GAA: variants seen among roughly 807,000 people sequenced by gnomAD.
GAA encodes alpha glucosidase.
A neutral mutation model predicts 103.9 loss-of-function variants in GAA; 88 were observed. The ratio of observed to expected loss-of-function variants is 0.85; its 90% CI spans 0.71 to 1.01. The LOEUF (loss-of-function observed/expected upper bound fraction) is 1.01, where lower values mean the gene tolerates loss of function less well. GAA is among the 50% of genes least tolerant of loss of function. The probability of loss-of-function intolerance (pLI) is 0.00; values close to 1 mark genes in which losing one functional copy is unlikely to be tolerated. For synonymous variants in GAA, 572 were observed against 563.1 expected (o/e 1.02, Z -0.22); for missense variants, 1,350 against 1,305.3 (o/e 1.03, Z -0.53).
chr17:80,113,166 G>T (rs1453869474), intron 14 of GAA, 52 bp from the exon 15 acceptor site: 15 of 1,550,506 alleles, frequency 9.7e-6, no homozygotes, highest in Middle Eastern at 1.7e-4. Context: ...GGACTCCAGG[G>T]GACCGCGGCC....
rs753939097 is a variant in GAA at position 80,119,240 on chromosome 17, G to C, written c.2800-32G>C. On this transcript the variant is annotated intron_variant, in intron 19 of 19. Transcript: ENST00000302262. ...GGGGTCTCACTGCTGCTGGGATCTC[G>C]GGCTGCTCCATTTGTGCTCTCTCTT... The C allele has an allele frequency of 8.7e-6, 14 of 1,608,804 alleles. No homozygotes were observed. The East Asian group carries it at 2.5e-4, about 28-fold the overall frequency.
intron 9 of GAA, among the ~76,000 whole-genome samples, chr17:80,110,495 G>A (rs1038016134): frequency 6.6e-6 from 1 of 152,194 alleles, no homozygotes; most frequent in African/African-American, 2.4e-5. Context: ...CTGGGTGGAC[G>A]TGTTGGGGGT....
In GAA at chr17:80,119,317, G is replaced by C; in HGVS notation, c.2845G>C (p.Val949Leu). 6.2e-6 allele frequency: 10 copies of C among 1,614,010 alleles called. No homozygotes were observed. The highest frequency in any genetic ancestry group is 8.5e-6 in the Non-Finnish European group (10 of 1,179,860). The part of the protein sequence containing the change: ...VSLLMGEQFL[V>L]SWC The stretch of plus-strand genomic sequence containing the variant: ...GCTGTTGATGGGAGAGCAGTTTCTC[G>C]TCAGCTGGTGTTAGCCGGGCGGAGT... The change falls in exon 20 of 20, where the codon GTC becomes CTC. Residue 949 changes from valine to leucine, a missense_variant. Transcript: ENST00000302262.
rs1302320732 is a variant in GAA at position 80,104,066 on chromosome 17, C to G, written c.-32-489C>G. 6.6e-6 allele frequency among the ~76,000 whole-genome samples: 1 copy of G among 152,140 alleles called. No individual in the cohort carries two copies. The highest frequency in any genetic ancestry group is 2.4e-5 in the African/African-American group (1 of 41,426). On this transcript the variant is annotated intron_variant, in intron 1 of 19. Coordinates refer to ENST00000302262, the MANE Select transcript of GAA (RefSeq NM_000152.5). This position sits in a 1 kb window ranked among gnomAD's most constrained non-coding sequence, Gnocchi z 4.0. ...ATCACTTGAGCTCAGGAGTTCGAGA[C>G]CAGCCTGGGTAACATGGCAAAATCC...
At position 80,114,550 on chromosome 17, in the gene GAA, C is replaced by T. The variant is rs183535841; in HGVS notation, c.2189+1184C>T. Among the ~76,000 whole-genome samples, 53 of 152,192 alleles carry T rather than the reference C, an allele frequency of 3.5e-4. No homozygotes were observed. The South Asian group carries it at 5.8e-3, about 17-fold the overall frequency. On this transcript the variant is annotated intron_variant, in intron 15 of 19. Coordinates refer to ENST00000302262, the MANE Select transcript of GAA (RefSeq NM_000152.5). ...CTTTGCTTCTATGTGGTTTCCATTG[C>T]CTCTCGTTCCTCTGTGCTGTTACAC...
In GAA at chr17:80,112,045, A is replaced by C. The variant is rs543222774; in HGVS notation, c.1699A>C (p.Thr567Pro). Residue 567 changes from threonine (T) to proline (P), a missense_variant, in exon 12 of 20, where the codon ACA (threonine) becomes CCA (proline). Physicochemically the swap from Thr to Pro is conservative, Grantham distance 38. Coordinates refer to ENST00000302262, the MANE Select transcript of GAA (RefSeq NM_000152.5). ...TGCCTCCAGCCACCAGTTTCTCTCC[A>C]CACACTACAACCTGCACAACCTCTA... ...ICASSHQFLS[T>P]HYNLHNLYGL... is the part of the protein sequence containing the mutation. 1.2e-6 allele frequency: 2 copies of C among 1,614,008 alleles called. No homozygotes were observed. Among genetic ancestry groups the C allele is most frequent in the East Asian group, 4.5e-5 (2 of 44,876 alleles).
rs2039405775 is a variant in GAA at position 80,118,325 on chromosome 17, G to A, written c.2614G>A (p.Ala872Thr). Residue 872 changes from alanine to threonine, a missense_variant, in exon 18 of 20, where the codon GCC (alanine) becomes ACC (threonine). Ala to Thr is a moderately conservative substitution (Grantham distance 58). Coordinates refer to ENST00000302262, the MANE Select transcript of GAA (RefSeq NM_000152.5). Reference sequence around the variant, plus strand: ...GAGCCTGGAAGTGCTGGAGCGAGGGGCCTACACACAGGTCATCTTCCTGGC... The same window carrying A: ...GAGCCTGGAAGTGCTGGAGCGAGGGACCTACACACAGGTCATCTTCCTGGC... ...GESLEVLERG[A>T]YTQVIFLARN... 2 of 1,577,408 alleles carry A rather than the reference G, an allele frequency of 1.3e-6. No individual in the cohort carries two copies. Among genetic ancestry groups the A allele is most frequent in the Admixed American group, 1.8e-5 (1 of 56,420 alleles).
rs2304841 is a variant in GAA, at chr17:80,111,911, T to G, written c.1637-72T>G. On this transcript the variant is annotated intron_variant, in intron 11 of 19. Transcript: ENST00000302262. ...GACCTGCACAGGGGCTCCTGGGAGG[T>G]GGGGGGCAGGGAGGGCACCTTGGAG... The G allele has an allele frequency of 3.1e-4, 396 of 1,297,886 alleles. 4 individuals carry two copies. The East Asian group carries it at 9.0e-3, about 30-fold the overall frequency. The allele number at this position is 1,297,886 out of a possible 1,614,324, so 80.4% of individuals were successfully genotyped here. A position where few individuals can be genotyped will look rare whatever the true frequency, so the allele number is the denominator to read the frequency against.
At position 80,107,803 on chromosome 17, in the gene GAA, G is replaced by A. The variant is rs200125735; in HGVS notation, c.862G>A (p.Gly288Ser). 5.0e-5 allele frequency: 80 copies of A among 1,611,450 alleles called. No individual in the cohort carries two copies. In the East Asian group the frequency reaches 6.7e-4, roughly 13 times the overall value. Residue 288 changes from glycine to serine, a missense_variant, in exon 5 of 20, where the codon GGT becomes AGT. Coordinates refer to ENST00000302262, the MANE Select transcript of GAA (RefSeq NM_000152.5). ...LWNRDLAPTP[G>S]ANLYGSHPFY... ...CGCCGTCTCCTGCATGTCCCAGCCC[G>A]GTGCGAACCTCTACGGGTCTCACCC...
Position 80,110,770 on chromosome 17 carries a change from C to T in GAA, c.1481C>T (p.Thr494Ile). Residue 494 changes from threonine to isoleucine, a missense_variant, in exon 10 of 20, where the codon ACA becomes ATA. Transcript: ENST00000302262. ...GCCTTCCCCGACTTCACCAACCCCA[C>T]AGCCCTGGCCTGGTGGGAGGACATG... The part of the protein sequence containing the change: ...STAFPDFTNP[T>I]ALAWWEDMVA... 2.5e-6 allele frequency: 4 copies of T among 1,614,174 alleles called. No homozygotes were observed. Among genetic ancestry groups the T allele is most frequent in the Non-Finnish European group, 3.4e-6 (4 of 1,180,028 alleles).
Position 80,107,857 on chromosome 17 carries a change from T to C in GAA, c.916T>C (p.Ser306Pro). The change falls in exon 5 of 20, where the codon TCG becomes CCG. Residue 306 changes from serine (S) to proline (P), a missense_variant. Transcript: ENST00000302262. Reference protein sequence around the residue: ...PFYLALEDGGSAHGVFLLNSN... With the variant: ...PFYLALEDGGPAHGVFLLNSN... ...CTACCTGGCGCTGGAGGACGGCGGG[T>C]CGGCACACGGGGTGTTCCTGCTAAA... 6.2e-7 allele frequency: 1 copy of C among 1,611,540 alleles called. No homozygotes were observed. Among genetic ancestry groups the C allele is most frequent in the Non-Finnish European group, 8.5e-7 (1 of 1,179,698 alleles).
intron 16 of GAA, 44 bp from the exon 17 acceptor site, chr17:80,117,556 G>T: frequency 6.2e-7 from 1 of 1,610,372 alleles, no homozygotes; most frequent in Non-Finnish European, 8.5e-7. Context: ...CAGCATGGGG[G>T]CCTCGGCACG....
chr17:80,107,380 G>A (rs2039111121), intron 3 of GAA, among the ~76,000 whole-genome samples, 177 bp from the exon 4 acceptor site: 1 of 152,204 alleles, frequency 6.6e-6, no homozygotes, highest in South Asian at 2.1e-4. Context: ...GCTGGTGCCA[G>A]GGTGCCAAGG....
At position 80,101,649 on chromosome 17, in the gene GAA, G is replaced by C. The variant is rs1398186641; in HGVS notation, c.-274G>C. The C allele has an allele frequency of 6.6e-6, 1 of 151,660 alleles. No individual in the cohort carries two copies. The highest frequency in any genetic ancestry group is 1.5e-5 in the Non-Finnish European group (1 of 67,872). 9.4% of individuals were successfully genotyped at this position (151,660 alleles called of 1,614,324 possible). A position where few individuals can be genotyped will look rare whatever the true frequency, so the allele number is the denominator to read the frequency against. On this transcript the variant is annotated 5_prime_UTR_variant, in exon 1 of 20. Transcript: ENST00000302262. ...AGGTGAGCCGGGCCGGGGCTGCGGG[G>C]CTTCCCTGAGCGCGGGCCGGGTCGG...
Position 80,104,468 on chromosome 17 carries a change from C to A in GAA, c.-32-87C>A. 2 of 979,590 alleles carry A rather than the reference C, an allele frequency of 2.0e-6. No homozygotes were observed. Among genetic ancestry groups the A allele is most frequent in the Non-Finnish European group, 3.0e-6 (2 of 675,618 alleles). 60.7% of individuals were successfully genotyped at this position (979,590 alleles called of 1,614,324 possible). A position where few individuals can be genotyped will look rare whatever the true frequency, so the allele number is the denominator to read the frequency against. On this transcript the variant is annotated intron_variant, in intron 1 of 19. Coordinates refer to ENST00000302262, the MANE Select transcript of GAA (RefSeq NM_000152.5). The surrounding 1 kb of genome is among the most constrained non-coding windows in gnomAD (Gnocchi z 4.0). The stretch of plus-strand genomic sequence containing the variant: ...CCTGCCTGGGTGCTGCAGTGCCAGC[C>A]GCGGTTGATGTCTCAGAGCTGCTTT...
rs2039045532 is a variant in GAA, at chr17:80,105,066, C to T, written c.480C>T (p.Phe160=). 2 of 1,612,682 alleles carry T rather than the reference C, an allele frequency of 1.2e-6. No homozygotes were observed. Among genetic ancestry groups the T allele is most frequent in the South Asian group, 1.1e-5 (1 of 91,096 alleles). ...TGACCCGTACCACCCCCACCTTCTTCCCCAAGGACATCCTGACCCTGCGGC... is the reference window on the plus strand; with the variant it reads ...TGACCCGTACCACCCCCACCTTCTTTCCCAAGGACATCCTGACCCTGCGGC... ...ATLTRTTPTF[F]PKDILTLRLD... is the part of the protein sequence containing the mutation. The change falls in exon 2 of 20, where the codon TTC becomes TTT. Residue 160 remains phenylalanine (F), a synonymous_variant. Coordinates refer to ENST00000302262, the MANE Select transcript of GAA (RefSeq NM_000152.5).
intron 15 of GAA, 129 bp from the exon 16 acceptor site, chr17:80,116,839 C>G: frequency 9.6e-7 from 1 of 1,045,686 alleles, no homozygotes; most frequent in South Asian, 1.3e-5. Flanking sequence ...CTGAGTCCTC[C>G]AAGTCCTCCG....
In GAA at chr17:80,104,489, G is replaced by A. The variant is rs78686444; in HGVS notation, c.-32-66G>A. ...CAGCCGCGGTTGATGTCTCAGAGCT[G>A]CTTTGAGAGCCCCGTGAGTGCCGCC... On this transcript the variant is annotated intron_variant, in intron 1 of 19. Transcript: ENST00000302262. The surrounding 1 kb of genome is among the most constrained non-coding windows in gnomAD (Gnocchi z 4.0). 5.7e-5 allele frequency: 69 copies of A among 1,220,500 alleles called. No homozygotes were observed. Among genetic ancestry groups the A allele is most frequent in the Non-Finnish European group, 6.6e-5 (59 of 887,544 alleles). The allele number at this position is 1,220,500 out of a possible 1,614,324, so 75.6% of individuals were successfully genotyped here.
rs1252098979 is a variant in GAA at position 80,109,035 on chromosome 17, G to A, written c.1326+207G>A. 4.6e-5 allele frequency among the ~76,000 whole-genome samples: 7 copies of A among 152,192 alleles called. No homozygotes were observed. The East Asian group carries it at 7.7e-4, about 17-fold the overall frequency. Reference sequence around the variant, plus strand: ...GGTTTGAGGGTCCCCAGAAATGGCCGGGTGCTACTCAGGGTTCTGTCAGAT... The same window carrying A: ...GGTTTGAGGGTCCCCAGAAATGGCCAGGTGCTACTCAGGGTTCTGTCAGAT... On this transcript the variant is annotated intron_variant, in intron 8 of 19. Coordinates refer to ENST00000302262, the MANE Select transcript of GAA (RefSeq NM_000152.5).
Sources: gnomAD v4.1 joint callset for allele counts (sites outside exome capture counted in the v4.1 genomes callset) on GRCh38, gnomAD v4.1.1 for gene constraint, Gnocchi (gnomAD v3.1) non-coding constraint, MANE v1.5 for transcripts, NCBI Gene and HGNC (gene_info 2026-07-23, HGNC 2026-07-21) for gene names.